The following CYP2C19 variants were observed in gnomAD, a reference collection of about 807,000 sequenced individuals.
The protein encoded by CYP2C19 is cytochrome P450 2C19.
Under a neutral mutation model 40.9 loss-of-function variants are expected in CYP2C19, and 59 were observed. That is an observed-to-expected ratio of 1.44 (90% confidence interval 1.17 to 1.79). CYP2C19 has a LOEUF of 1.79. Ranked by LOEUF, CYP2C19 falls within the 40% of genes most tolerant of loss-of-function variation. The pLI is 0.00. For missense variants in CYP2C19, 754 were observed against 596.9 expected (o/e 1.26, Z -2.74); for synonymous variants, 253 against 208.7 (o/e 1.21, Z -1.83).
chr10:94,842,026 T>C (rs559265934), intron 6 of CYP2C19, among the ~76,000 whole-genome samples: 41 of 152,336 alleles, frequency 2.7e-4, no homozygotes, highest in Non-Finnish European at 5.4e-4. Flanking sequence ...ATAGTGCAGA[T>C]GAAGTTCAAT....
Position 94,854,485 on chromosome 10 carries a change from T to C in CYP2C19, c.*1571T>C, listed in dbSNP as rs569326584. Among the ~76,000 whole-genome samples, 4 of 152,116 alleles carry C rather than the reference T, an allele frequency of 2.6e-5. No homozygotes were observed. In the South Asian group the frequency reaches 8.3e-4, roughly 32 times the overall value. On this transcript the variant is annotated 3_prime_UTR_variant, in exon 9 of 9. Coordinates refer to ENST00000371321, the MANE Select transcript of CYP2C19 (RefSeq NM_000769.4). ...CAACTAAGTATCTTATGTTAAATTATGTTCACCACTCTTCCTGTCTTCTAC... is the reference window on the plus strand; with the variant it reads ...CAACTAAGTATCTTATGTTAAATTACGTTCACCACTCTTCCTGTCTTCTAC...
intron 5 of CYP2C19, among the ~76,000 whole-genome samples, chr10:94,817,661 A>C (rs1254777840): frequency 6.7e-6 from 1 of 150,030 alleles, no homozygotes; most frequent in Non-Finnish European, 1.5e-5. Context: ...GCCCATGCCT[A>C]TGTCCTGAAT....
intron 6 of CYP2C19, among the ~76,000 whole-genome samples, chr10:94,830,000 C>T (rs2134276976): frequency 6.6e-6 from 1 of 152,370 alleles, no homozygotes; most frequent in South Asian, 2.1e-4. Context: ...CTTGAGGAGG[C>T]AGTCTGCGCA....
intron 1 of CYP2C19, among the ~76,000 whole-genome samples, chr10:94,764,145 G>A (rs1351229587): frequency 1.3e-5 from 2 of 152,120 alleles, no homozygotes; most frequent in African/African-American, 2.4e-5. Flanking sequence ...AAGATTTATT[G>A]TGAAGAGCAA....
intron 6 of CYP2C19, among the ~76,000 whole-genome samples, chr10:94,827,854 G>A (rs987443669): frequency 2.6e-5 from 4 of 151,902 alleles, no homozygotes; most frequent in Admixed American, 6.6e-5. Flanking sequence ...AGAGATTCTG[G>A]TATGTTGTGT....
intron 6 of CYP2C19, among the ~76,000 whole-genome samples, chr10:94,842,222 C>A (rs961633043): frequency 6.6e-6 from 1 of 152,004 alleles, no homozygotes; most frequent in African/African-American, 2.4e-5. Flanking sequence ...GCCAAGCTGA[C>A]TGCTTTATCA....
intron 6 of CYP2C19, among the ~76,000 whole-genome samples, chr10:94,829,509 C>G (rs990312717): frequency 6.6e-6 from 1 of 152,188 alleles, no homozygotes; most frequent in African/African-American, 2.4e-5. Flanking sequence ...GCTCCATAAG[C>G]TCCTTTAAGC....
chr10:94,809,892 T>C (rs1848888713), intron 5 of CYP2C19, among the ~76,000 whole-genome samples: 1 of 152,100 alleles, frequency 6.6e-6, no homozygotes, highest in Non-Finnish European at 1.5e-5. Context: ...TATTTATTTA[T>C]TTATTTTGAG....
intron 5 of CYP2C19, among the ~76,000 whole-genome samples, chr10:94,812,138 T>G (rs1848935464): frequency 6.6e-6 from 1 of 152,212 alleles, no homozygotes; most frequent in Non-Finnish European, 1.5e-5. Context: ...CTATGAAGCT[T>G]AATTTAGCTG....
intron 5 of CYP2C19, among the ~76,000 whole-genome samples, chr10:94,820,270 C>G (rs1178474581): frequency 6.6e-6 from 1 of 151,762 alleles, no homozygotes; most frequent in Non-Finnish European, 1.5e-5. Context: ...TATGACAAAC[C>G]CACAGCCAAT....
intron 5 of CYP2C19, among the ~76,000 whole-genome samples, chr10:94,810,231 G>A (rs928565627): frequency 1.3e-5 from 2 of 152,200 alleles, no homozygotes; most frequent in African/African-American, 2.4e-5. Flanking sequence ...CAGGGATGAA[G>A]CCAACTTGAT....
chr10:94,831,692 A>T (rs1305222852), intron 6 of CYP2C19, among the ~76,000 whole-genome samples: 1 of 152,176 alleles, frequency 6.6e-6, no homozygotes, highest in Non-Finnish European at 1.5e-5. Context: ...TTAACAATTA[A>T]CATGTCTTCT....
intron 3 of CYP2C19, among the ~76,000 whole-genome samples, chr10:94,778,604 G>A (rs575656514): frequency 5.3e-5 from 8 of 152,304 alleles, no homozygotes; most frequent in African/African-American, 1.9e-4. Context: ...TCATTAATAA[G>A]TTAGGAAACA....
intron 6 of CYP2C19, among the ~76,000 whole-genome samples, chr10:94,822,371 A>G (rs1484721744): frequency 6.6e-6 from 1 of 151,258 alleles, no homozygotes; most frequent in Non-Finnish European, 1.5e-5. Context: ...CTCCCATGAC[A>G]TGTGGGAATT....
In CYP2C19 at chr10:94,850,065, T is replaced by A. The variant is rs1215318388; in HGVS notation, c.1291+7T>A. On this transcript the variant is annotated splice_region_variant and intron_variant, in intron 8 of 8. Coordinates refer to ENST00000371321, the MANE Select transcript of CYP2C19 (RefSeq NM_000769.4). ...TTCATGCCTTTCTCAGCAGGTAATA[T>A]AAATTTATTTCCCTTTGTGTTTCAG... 6.8e-6 allele frequency: 11 copies of A among 1,613,206 alleles called. No homozygotes were observed. The highest frequency in any genetic ancestry group is 9.3e-6 in the Non-Finnish European group (11 of 1,179,378).
chr10:94,786,049 C>G (rs1049568665), intron 5 of CYP2C19, among the ~76,000 whole-genome samples: 12 of 152,164 alleles, frequency 7.9e-5, no homozygotes, highest in Admixed American at 5.2e-4. Context: ...CTCCTTCCCC[C>G]TCTTTGGATG....
At chr10:94,769,862 C>T (rs1025452537) in intron 1 of CYP2C19, among the ~76,000 whole-genome samples, 8 of 152,098 alleles carry the variant, frequency 5.3e-5, no homozygotes, top group Non-Finnish European at 1.0e-4. Context: ...AAATGGGTAA[C>T]TTGTTTCTCA....
intron 6 of CYP2C19, among the ~76,000 whole-genome samples, chr10:94,826,542 C>G (rs1415115319): frequency 6.6e-6 from 1 of 152,158 alleles, no homozygotes; most frequent in Non-Finnish European, 1.5e-5. Context: ...TGTTTATCAG[C>G]TTAAGGAGAT....
chr10:94,834,827 G>A (rs1447293278), intron 6 of CYP2C19, among the ~76,000 whole-genome samples: 1 of 152,126 alleles, frequency 6.6e-6, no homozygotes, highest in African/African-American at 2.4e-5. Context: ...GGTGGAAGTG[G>A]TCACCTTCCC....
Sources: gnomAD v4.1 joint callset for allele counts (sites outside exome capture counted in the v4.1 genomes callset) on GRCh38, gnomAD v4.1.1 for gene constraint, MANE v1.5 for transcripts, NCBI Gene and HGNC (gene_info 2026-07-23, HGNC 2026-07-21) for gene names.